The following ARHGEF28 variants were observed in gnomAD, a reference collection of about 807,000 sequenced individuals.
ARHGEF28 encodes Rho guanine nucleotide exchange factor 28, also known as 190 kDa guanine nucleotide exchange factor.
Under a neutral mutation model 206.6 loss-of-function variants are expected in ARHGEF28, and 152 were observed. That is an observed-to-expected ratio of 0.74 (90% CI 0.64 to 0.84). The LOEUF (loss-of-function observed/expected upper bound fraction) is 0.84, where lower values mean the gene tolerates loss of function less well. Ranked by LOEUF, ARHGEF28 falls within the 40% of genes least tolerant of loss-of-function variation. The pLI is 0.00. For synonymous variants in ARHGEF28, 763 were observed against 776.4 expected, an observed-to-expected ratio of 0.98 and a Z score of 0.29; for missense variants, 2,028 against 2,073.2, an observed-to-expected ratio of 0.98 and a Z score of 0.42.
intron 22 of ARHGEF28, among the ~76,000 whole-genome samples, chr5:73,874,383 T>C (rs1406209915): frequency 6.6e-6 from 1 of 152,112 alleles, no homozygotes; most frequent in Non-Finnish European, 1.5e-5. Flanking sequence ...ATTGTGCTAT[T>C]AGTTTCAAGT....
At chr5:73,889,874 T>TAAG (rs754576055) in intron 26 of ARHGEF28, among the ~76,000 whole-genome samples, 6 of 152,204 alleles carry the variant, frequency 3.9e-5, no homozygotes, top group Non-Finnish European at 7.4e-5. Context: ...AAAATGAGAA[T>TAAG]ATGGGCCCAG....
At chr5:73,673,894 G>A (rs929700307) in intron 1 of ARHGEF28, among the ~76,000 whole-genome samples, 2 of 151,964 alleles carry the variant, frequency 1.3e-5, no homozygotes, top group Admixed American at 1.3e-4. Context: ...CATACTGTAG[G>A]CCGGGGCAGT....
intron 22 of ARHGEF28, among the ~76,000 whole-genome samples, chr5:73,880,002 T>G (rs1356214597): frequency 6.6e-6 from 1 of 152,172 alleles, no homozygotes; most frequent in Non-Finnish European, 1.5e-5. Flanking sequence ...CTGCTGTCTT[T>G]TTGTTTGTCT....
intron 2 of ARHGEF28, among the ~76,000 whole-genome samples, chr5:73,697,631 A>G (rs1015003937): frequency 6.6e-6 from 1 of 152,138 alleles, no homozygotes; most frequent in Non-Finnish European, 1.5e-5. Flanking sequence ...ATTAATCATG[A>G]ATAGATTGAC....
intron 18 of ARHGEF28, among the ~76,000 whole-genome samples, chr5:73,867,497 A>G (rs1460537553): frequency 6.6e-6 from 1 of 152,212 alleles, no homozygotes; most frequent in Non-Finnish European, 1.5e-5. Context: ...TATACACACA[A>G]TATGCATTCA....
At chr5:73,818,870 G>A (rs769281477) in intron 9 of ARHGEF28, among the ~76,000 whole-genome samples, 1 of 152,146 alleles carries the variant, frequency 6.6e-6, no homozygotes, top group Admixed American at 6.5e-5. Flanking sequence ...CTATATTCTT[G>A]TTCAGGGGAC....
intron 2 of ARHGEF28, among the ~76,000 whole-genome samples, chr5:73,728,111 G>A (rs1750391766): frequency 6.6e-6 from 1 of 152,172 alleles, no homozygotes; most frequent in African/African-American, 2.4e-5. Context: ...AGGTCTTTCT[G>A]AGACTTGATT....
At chr5:73,930,753 T>TA (rs1420936727) in intron 35 of ARHGEF28, among the ~76,000 whole-genome samples, 1 of 152,226 alleles carries the variant, frequency 6.6e-6, no homozygotes, top group Non-Finnish European at 1.5e-5. Flanking sequence ...CCAAAGCTCC[T>TA]ATGCCTCTCT....
chr5:73,758,672 CA>C (rs2112416810), intron 4 of ARHGEF28, among the ~76,000 whole-genome samples: 1 of 152,282 alleles, frequency 6.6e-6, no homozygotes, highest in South Asian at 2.1e-4. Flanking sequence ...TCTCCTGCCT[CA>C]GCCTCCTGAG....
At chr5:73,666,066 T>TATA (rs1238236282) in intron 1 of ARHGEF28, among the ~76,000 whole-genome samples, 1 of 152,114 alleles carries the variant, frequency 6.6e-6, no homozygotes, top group Admixed American at 6.5e-5. Flanking sequence ...ATCAAAAGAA[T>TATA]ATGTACTTCC....
chr5:73,713,213 A>T (rs912360221), intron 2 of ARHGEF28, among the ~76,000 whole-genome samples: 1 of 152,218 alleles, frequency 6.6e-6, no homozygotes, highest in Admixed American at 6.5e-5. Flanking sequence ...AGCCTGGTGG[A>T]ACGTATTTCC....
chr5:73,897,466 G>T (rs761638264), intron 29 of ARHGEF28, among the ~76,000 whole-genome samples: 2 of 152,200 alleles, frequency 1.3e-5, no homozygotes, highest in Non-Finnish European at 2.9e-5. Context: ...TATTTCTAAA[G>T]ATAAGTGTAG....
intron 10 of ARHGEF28, among the ~76,000 whole-genome samples, chr5:73,838,281 T>C (rs1489986479): frequency 6.6e-6 from 1 of 152,128 alleles, no homozygotes; most frequent in African/African-American, 2.4e-5. Context: ...AGCCCCTATA[T>C]CTATTTGAAT....
At chr5:73,900,219 A>G (rs1220858249) in intron 30 of ARHGEF28, 1 of 152,250 alleles carries the variant, frequency 6.6e-6, no homozygotes, top group African/African-American at 2.4e-5. Context: ...TTTATTAAAG[A>G]AAAAAGCATT....
chr5:73,690,037 T>C (rs114994949), intron 2 of ARHGEF28, among the ~76,000 whole-genome samples: 6,642 of 147,372 alleles, frequency 0.045, 161 homozygotes, highest in East Asian at 0.11. Context: ...TATAAAGATA[T>C]TTTTATTTTG....
intron 2 of ARHGEF28, among the ~76,000 whole-genome samples, chr5:73,697,423 A>C (rs1022485185): frequency 6.6e-6 from 1 of 152,232 alleles, no homozygotes; most frequent in Non-Finnish European, 1.5e-5. Context: ...CAAAATGTAT[A>C]TCTTATAGAA....
intron 35 of ARHGEF28, among the ~76,000 whole-genome samples, chr5:73,915,039 C>T (rs187522679): frequency 1.1e-3 from 175 of 152,348 alleles, no homozygotes; most frequent in African/African-American, 4.1e-3. Context: ...AGTGCCCAGC[C>T]ATGAGTTGTA....
At position 73,842,853 on chromosome 5, in the gene ARHGEF28, C is replaced by T. The variant is rs151278638; in HGVS notation, c.1427+2093C>T. 1.9e-3 allele frequency among the ~76,000 whole-genome samples: 293 copies of T among 152,146 alleles called. 3 individuals carry two copies. Among genetic ancestry groups the T allele is most frequent in the African/African-American group, 6.3e-3 (261 of 41,522 alleles). On this transcript the variant is annotated intron_variant, in intron 11 of 35. Transcript: ENST00000513042. ...CAAAAATTAGCTGGGCATGGTGGCACACATCTCTAATCCCATCTACTCAGG... is the reference window on the plus strand; with the variant it reads ...CAAAAATTAGCTGGGCATGGTGGCATACATCTCTAATCCCATCTACTCAGG...
chr5:73,809,698 T>C (rs1755728404), intron 9 of ARHGEF28, among the ~76,000 whole-genome samples: 2 of 152,204 alleles, frequency 1.3e-5, no homozygotes, highest in East Asian at 1.9e-4. Flanking sequence ...TCTGTGTGGG[T>C]CTTTTAGAAA....
Sources: allele counts gnomAD v4.1 joint callset (sites outside exome capture counted in the v4.1 genomes callset), GRCh38; gene constraint gnomAD v4.1.1; transcripts MANE v1.5; gene names NCBI Gene and HGNC (gene_info 2026-07-23, HGNC 2026-07-21).